COL23A1: variants seen among roughly 807,000 people sequenced by gnomAD.
The protein encoded by COL23A1 is collagen alpha-1(XXIII) chain.
COL23A1 carries 97 observed loss-of-function variants against 99.3 expected under a neutral mutation model. That is an observed-to-expected ratio of 0.98 (90% confidence interval 0.83 to 1.16). The LOEUF is 1.16. Ranked by LOEUF, COL23A1 falls within the 50% of genes most tolerant of loss-of-function variation. COL23A1 has a pLI of 0.00. For missense variants in COL23A1, 762 were observed against 757.4 expected (o/e 1.01, Z -0.07); for synonymous variants, 320 against 308.2 (o/e 1.04, Z -0.40).
intron 2 of COL23A1, among the ~76,000 whole-genome samples, chr5:178,323,520 G>GGCTAACC (rs1759463808): frequency 1.3e-5 from 2 of 152,100 alleles, no homozygotes; most frequent in Admixed American, 1.3e-4. Flanking sequence ...AGTGGGGTTG[G>GGCTAACC]GCTAACCGCA....
chr5:178,305,401 C>T (rs1237312547), intron 3 of COL23A1, among the ~76,000 whole-genome samples: 2 of 85,526 alleles, frequency 2.3e-5, no homozygotes, highest in Non-Finnish European at 5.7e-5. Context: ...ACTGCCTCCC[C>T]TTGGGCCCAG....
rs545881881 is a variant in COL23A1, at chr5:178,516,158, C to T, written c.361+44524G>A. Among the ~76,000 whole-genome samples the T allele has an allele frequency of 1.0e-3, 153 of 152,334 alleles. 2 individuals are homozygous for T. Among genetic ancestry groups the T allele is most frequent in the Non-Finnish European group, 2.2e-4 (15 of 68,024 alleles). ...ATTTCCACCACCCTACCCCTCTTCC[C>T]GTGCTTCAGGGCCTCCCAGCCCAGT... On this transcript the variant is annotated intron_variant, in intron 2 of 28. Coordinates refer to ENST00000390654, the MANE Select transcript of COL23A1 (RefSeq NM_173465.4).
chr5:178,246,187 C>T, intron 24 of COL23A1, 67 bp downstream of exon 24: 1 of 1,520,524 alleles, frequency 6.6e-7, no homozygotes, highest in South Asian at 1.2e-5. Context: ...GGTTGGGGTC[C>T]CCGGGCTGAG....
chr5:178,412,090 T>C (rs992773550), intron 2 of COL23A1, among the ~76,000 whole-genome samples: 4 of 152,200 alleles, frequency 2.6e-5, no homozygotes, highest in East Asian at 1.9e-4. Context: ...TTGTATATAA[T>C]GGTAAAAATG....
intron 2 of COL23A1, among the ~76,000 whole-genome samples, chr5:178,328,237 T>C (rs1561865945): frequency 6.6e-6 from 1 of 152,148 alleles, no homozygotes; most frequent in Non-Finnish European, 1.5e-5. Context: ...GAATTTCCTG[T>C]TCCTCATCCC....
chr5:178,273,277 C>T (rs1031927708), intron 5 of COL23A1, among the ~76,000 whole-genome samples: 9 of 152,322 alleles, frequency 5.9e-5, no homozygotes, highest in South Asian at 4.1e-4. Context: ...AAGTGTCCAC[C>T]GACTGGACCT....
At chr5:178,464,745 C>T (rs1425062873) in intron 2 of COL23A1, among the ~76,000 whole-genome samples, 1 of 152,368 alleles carries the variant, frequency 6.6e-6, no homozygotes, top group East Asian at 1.9e-4. Context: ...CTTTAAGACA[C>T]TGCAAGCCAA....
intron 3 of COL23A1, among the ~76,000 whole-genome samples, chr5:178,291,193 C>A (rs190625378): frequency 1.3e-5 from 2 of 152,164 alleles, no homozygotes; most frequent in Non-Finnish European, 2.9e-5. Context: ...CAAACCAGAC[C>A]CCGAACCTCA....
chr5:178,370,335 C>G (rs2973715), intron 2 of COL23A1, among the ~76,000 whole-genome samples: 56,816 of 152,024 alleles, frequency 0.37, 11,297 homozygotes, highest in African/African-American at 0.51. Flanking sequence ...TCCAGCCTTA[C>G]AAAAGGAGGA....
At chr5:178,485,618 C>CA (rs1328562019) in intron 2 of COL23A1, among the ~76,000 whole-genome samples, 1 of 151,544 alleles carries the variant, frequency 6.6e-6, no homozygotes, top group African/African-American at 2.4e-5. Flanking sequence ...ACTAAAAATA[C>CA]AAAAAAATAA....
Position 178,589,382 on chromosome 5 carries a change from T to A in COL23A1, c.294+522A>T, listed in dbSNP as rs1294849357. On this transcript the variant is annotated intron_variant, in intron 1 of 28. Coordinates refer to ENST00000390654, the MANE Select transcript of COL23A1 (RefSeq NM_173465.4). The surrounding 1 kb of genome is among the most constrained non-coding windows in gnomAD (Gnocchi z 5.4). ...CAGTGCGACGGTGACCGCTCAGTCT[T>A]GGGGCCTGAGCTGCTGGAGACACAC... is the stretch of plus-strand genomic sequence containing the variant. Among the ~76,000 whole-genome samples, 3 of 151,862 alleles carry A rather than the reference T, an allele frequency of 2.0e-5. No homozygotes were observed. Among genetic ancestry groups the A allele is most frequent in the African/African-American group, 7.3e-5 (3 of 41,312 alleles).
At chr5:178,543,110 GTT>G (rs1278330892) in intron 2 of COL23A1, among the ~76,000 whole-genome samples, 10 of 142,580 alleles carry the variant, frequency 7.0e-5, no homozygotes, top group Admixed American at 2.1e-4. Context: ...TAATTGGCTT[GTT>G]TTTTTTTTTT....
intron 1 of COL23A1, chr5:178,561,815 G>C (rs78055108): frequency 8.0e-5 from 18 of 224,854 alleles, no homozygotes; most frequent in East Asian, 4.7e-4. Context: ...TGCTTTAGAG[G>C]AGGAGAGAAT....
chr5:178,245,925 G>T lies in COL23A1; in HGVS notation c.1440+17C>A. On this transcript the variant is annotated intron_variant, in intron 25 of 28. Coordinates refer to ENST00000390654, the MANE Select transcript of COL23A1 (RefSeq NM_173465.4). ...CAAGAGGCACCCAATTACTCAAAGT[G>T]ATGATAAGACACTTACATCTAGTCC... is the stretch of plus-strand genomic sequence containing the variant. 1.2e-6 allele frequency: 2 copies of T among 1,614,026 alleles called. No individual in the cohort carries two copies. Among genetic ancestry groups the T allele is most frequent in the Non-Finnish European group, 1.7e-6 (2 of 1,179,898 alleles).
At position 178,245,919 on chromosome 5, in the gene COL23A1, C is replaced by T. The variant is rs369959479; in HGVS notation, c.1440+23G>A. ...TACACACAAGAGGCACCCAATTACT[C>T]AAAGTGATGATAAGACACTTACATC... On this transcript the variant is annotated intron_variant, in intron 25 of 28. Coordinates refer to ENST00000390654, the MANE Select transcript of COL23A1 (RefSeq NM_173465.4). 1.5e-5 allele frequency: 24 copies of T among 1,613,844 alleles called. No individual in the cohort carries two copies. In the African/African-American group the frequency reaches 2.5e-4, roughly 17 times the overall value.
In COL23A1 at chr5:178,255,139, AC is replaced by A; in HGVS notation, c.883-114del. The A allele has an allele frequency of 2.2e-6, 2 of 891,740 alleles. No homozygotes were observed. Among genetic ancestry groups the A allele is most frequent in the Non-Finnish European group, 3.6e-6 (2 of 548,898 alleles). The allele number at this position is 891,740 out of a possible 1,614,324, so 55.2% of individuals were successfully genotyped here. On this transcript the variant is annotated intron_variant, in intron 15 of 28. Transcript: ENST00000390654. This position sits in a 1 kb window ranked among gnomAD's most constrained non-coding sequence, Gnocchi z 4.2. The stretch of plus-strand genomic sequence containing the variant: ...GAGAAAGCAATGGAAGAGCCTCGTC[AC>A]CCAGGCTGCACGCATGCCCCTCCCC...
In COL23A1 at chr5:178,589,983, C is replaced by T. The variant is rs1260076671; in HGVS notation, c.215G>A (p.Arg72Gln). The part of the protein sequence containing the change: ...QGRVAALEEE[R>Q]ELLRRAGPPG... Reference sequence around the variant, plus strand: ...CGGCCCCGCGCGCCGCAGCAGCTCCCGCTCCTCCTCGAGCGCCGCCACCCG... The same window carrying T: ...CGGCCCCGCGCGCCGCAGCAGCTCCTGCTCCTCCTCGAGCGCCGCCACCCG... The change falls in exon 1 of 29, where the codon CGG becomes CAG. Residue 72 changes from arginine (R) to glutamine (Q), a missense_variant. Physicochemically the swap from Arg to Gln is conservative, Grantham distance 43. Coordinates refer to ENST00000390654, the MANE Select transcript of COL23A1 (RefSeq NM_173465.4). This position sits in a 1 kb window ranked among gnomAD's most constrained non-coding sequence, Gnocchi z 5.4. 7 of 1,339,674 alleles carry T rather than the reference C, an allele frequency of 5.2e-6. No individual in the cohort carries two copies. The highest frequency in any genetic ancestry group is 6.7e-6 in the Non-Finnish European group (7 of 1,050,826). 83.0% of individuals were successfully genotyped at this position (1,339,674 alleles called of 1,614,324 possible). A position where few individuals can be genotyped will look rare whatever the true frequency, so the allele number is the denominator to read the frequency against.
At chr5:178,316,227 A>G (rs1758975873) in intron 2 of COL23A1, among the ~76,000 whole-genome samples, 1 of 152,252 alleles carries the variant, frequency 6.6e-6, no homozygotes, top group South Asian at 2.1e-4. Flanking sequence ...TCAATTAGAT[A>G]GACCTAAAGA....
chr5:178,371,553 C>A (rs1762802298), intron 2 of COL23A1, among the ~76,000 whole-genome samples: 1 of 152,310 alleles, frequency 6.6e-6, no homozygotes, highest in Admixed American at 6.5e-5. Context: ...GGACACGCGG[C>A]GACGGGCCTG....
Sources: allele counts gnomAD v4.1 joint callset (sites outside exome capture counted in the v4.1 genomes callset), GRCh38; gene constraint gnomAD v4.1.1; non-coding constraint Gnocchi (gnomAD v3.1); transcripts MANE v1.5; gene names NCBI Gene and HGNC (gene_info 2026-07-23, HGNC 2026-07-21).